Variants in CACNA1A observed in about 807,000 individuals in gnomAD.
CACNA1A encodes the protein calcium voltage-gated channel subunit alpha1 A.
A neutral mutation model predicts 262.4 loss-of-function variants in CACNA1A; 57 were observed. That is an observed-to-expected ratio of 0.22 (90% confidence interval 0.18 to 0.27). The LOEUF (loss-of-function observed/expected upper bound fraction) is 0.27. Among genes scored for constraint, CACNA1A ranks in the 10% least tolerant of loss-of-function variants. The pLI is 1.00. For synonymous variants in CACNA1A, 1,431 were observed against 1,419.3 expected, an observed-to-expected ratio of 1.01 and a Z score of -0.18; for missense variants, 2,526 against 3,562.8, an observed-to-expected ratio of 0.71 and a Z score of 7.41.
chr19:13,252,899 T>TG, intron 30 of CACNA1A, 92 bp downstream of exon 30: 4 of 789,848 alleles, frequency 5.1e-6, no homozygotes, highest in Non-Finnish European at 8.3e-6. Flanking sequence ...TTGGGGTTCT[T>TG]GGGGCCACGT....
At chr19:13,371,592 G>T in intron 4 of CACNA1A, 96 bp downstream of exon 4, 1 of 829,698 alleles carries the variant, frequency 1.2e-6, no homozygotes, top group Non-Finnish European at 2.0e-6. Flanking sequence ...CAGGCTGGTG[G>T]CAGGATGTGG....
intron 1 of CACNA1A, among the ~76,000 whole-genome samples, chr19:13,489,164 A>G (rs1980450949): frequency 6.6e-6 from 1 of 151,014 alleles, no homozygotes; most frequent in African/African-American, 2.4e-5. Context: ...GGTGTGCACC[A>G]CCATGCCCAG....
chr19:13,503,769 G>A (rs748095622), intron 1 of CACNA1A, among the ~76,000 whole-genome samples: 3 of 151,702 alleles, frequency 2.0e-5, no homozygotes, highest in Admixed American at 6.6e-5. Context: ...TTGTTACCTC[G>A]GGTCAAAGAG....
At chr19:13,341,432 G>A (rs2058673810) in intron 6 of CACNA1A, among the ~76,000 whole-genome samples, 1 of 152,202 alleles carries the variant, frequency 6.6e-6, no homozygotes, top group East Asian at 1.9e-4. Flanking sequence ...TGTGGTTCAA[G>A]CTACAGGAAA....
At chr19:13,456,372 C>G (rs2061006670) in intron 1 of CACNA1A, among the ~76,000 whole-genome samples, 1 of 151,998 alleles carries the variant, frequency 6.6e-6, no homozygotes, top group Non-Finnish European at 1.5e-5. Flanking sequence ...GGGTCTAGTA[C>G]TATATAAAGA....
chr19:13,240,572 G>A (rs994516210), intron 31 of CACNA1A, among the ~76,000 whole-genome samples: 1 of 149,204 alleles, frequency 6.7e-6, no homozygotes, highest in African/African-American at 2.5e-5. Flanking sequence ...GTGACTGTGT[G>A]TCCAGTTTCT....
chr19:13,234,404 G>A (rs2055792961), intron 34 of CACNA1A, among the ~76,000 whole-genome samples: 6 of 147,566 alleles, frequency 4.1e-5, no homozygotes, highest in Admixed American at 4.0e-4. Context: ...CACTGAACGA[G>A]TGAAGGAACT....
At chr19:13,466,314 T>A (rs547984225) in intron 1 of CACNA1A, among the ~76,000 whole-genome samples, 1 of 151,876 alleles carries the variant, frequency 6.6e-6, no homozygotes, top group Non-Finnish European at 1.5e-5. Context: ...GTCCTTTTTT[T>A]TTTTTTTTCC....
At chr19:13,441,768 C>T (rs141297014) in intron 3 of CACNA1A, among the ~76,000 whole-genome samples, 1 of 152,236 alleles carries the variant, frequency 6.6e-6, no homozygotes, top group African/African-American at 2.4e-5. Flanking sequence ...CCTCCCTGCC[C>T]TGGTGAGAGG....
chr19:13,502,861 G>C (rs1166695812), intron 1 of CACNA1A, among the ~76,000 whole-genome samples: 1 of 152,134 alleles, frequency 6.6e-6, no homozygotes, highest in Non-Finnish European at 1.5e-5. Flanking sequence ...TTTACATTTG[G>C]AAGTAGCACT....
intron 15 of CACNA1A, 106 bp from the exon 16 acceptor site, chr19:13,303,990 G>A: frequency 2.6e-6 from 2 of 770,070 alleles, no homozygotes; most frequent in Non-Finnish European, 4.5e-6. Context: ...CCGAGCCCAG[G>A]AGGTCTTTAA....
At chr19:13,439,470 G>A (rs927918088) in intron 3 of CACNA1A, among the ~76,000 whole-genome samples, 26 of 149,538 alleles carry the variant, frequency 1.7e-4, no homozygotes, top group African/African-American at 6.4e-4. Context: ...TGCCATCTCA[G>A]CTCACTGCAA....
chr19:13,360,029 T>G (rs1370310465), intron 5 of CACNA1A, among the ~76,000 whole-genome samples: 2 of 151,902 alleles, frequency 1.3e-5, no homozygotes, highest in African/African-American at 4.8e-5. Context: ...CATGAGTTTT[T>G]TTTTTTTTTC....
Position 13,320,558 on chromosome 19 carries a change from C to T in CACNA1A, c.1346-3237G>A, listed in dbSNP as rs1023751260. Among the ~76,000 whole-genome samples, 5 of 150,198 alleles carry T rather than the reference C, an allele frequency of 3.3e-5. No individual in the cohort carries two copies. In the South Asian group the frequency reaches 8.8e-4, roughly 27 times the overall value. ...CGTGCCAGCCATTGAGAAAGTCCTTCCTGATCACTCAGCCTGAAGACACAT... is the reference window on the plus strand; with the variant it reads ...CGTGCCAGCCATTGAGAAAGTCCTTTCTGATCACTCAGCCTGAAGACACAT... On this transcript the variant is annotated intron_variant, in intron 10 of 46. Transcript: ENST00000360228.
intron 3 of CACNA1A, among the ~76,000 whole-genome samples, chr19:13,422,431 G>GA (rs2060331559): frequency 6.6e-6 from 1 of 152,190 alleles, no homozygotes; most frequent in Non-Finnish European, 1.5e-5. Flanking sequence ...GGGTCACCTT[G>GA]AGAGGACTTG....
intron 4 of CACNA1A, among the ~76,000 whole-genome samples, chr19:13,369,277 C>T (rs2144546889): frequency 6.6e-6 from 1 of 152,230 alleles, no homozygotes. Flanking sequence ...TCTCTACCTC[C>T]CATCCACAGT....
rs1568426023 is a variant in CACNA1A, at chr19:13,214,494, C to T, written c.5839+7G>A. 4 of 1,609,890 alleles carry T rather than the reference C, an allele frequency of 2.5e-6. No homozygotes were observed. Among genetic ancestry groups the T allele is most frequent in the East Asian group, 2.2e-5 (1 of 44,858 alleles). On this transcript the variant is annotated splice_region_variant and intron_variant, in intron 39 of 46. Coordinates refer to ENST00000360228, the MANE Select transcript of CACNA1A (RefSeq NM_001127222.2). This position sits in a 1 kb window ranked among gnomAD's most constrained non-coding sequence, Gnocchi z 4.1. ...GATTGGATCCCAGGGCTGGGCTCAG[C>T]TCTTACACTTGTGAGGTGTGACCAG...
chr19:13,225,346 G>A (rs1422617111), intron 37 of CACNA1A: 2 of 154,328 alleles, frequency 1.3e-5, no homozygotes, highest in Non-Finnish European at 2.9e-5. Flanking sequence ...GCGAGGCTGT[G>A]ACACAGAACA....
chr19:13,408,847 G>A (rs2060058494), intron 3 of CACNA1A, among the ~76,000 whole-genome samples: 1 of 152,202 alleles, frequency 6.6e-6, no homozygotes, highest in Non-Finnish European at 1.5e-5. Flanking sequence ...GGGTTTGAAG[G>A]GTTCCTGGTG....
Sources: gnomAD v4.1 joint callset for allele counts (sites outside exome capture counted in the v4.1 genomes callset) on GRCh38, gnomAD v4.1.1 for gene constraint, Gnocchi (gnomAD v3.1) non-coding constraint, MANE v1.5 for transcripts, NCBI Gene and HGNC (gene_info 2026-07-23, HGNC 2026-07-21) for gene names.